The following CTNND1 variants were observed in gnomAD, a reference collection of about 807,000 sequenced individuals.
CTNND1 encodes the protein catenin delta 1.
CTNND1 carries 16 observed loss-of-function variants against 112.1 expected under a neutral mutation model. The observed-to-expected ratio is 0.14, with a 90% CI of 0.10 to 0.22. CTNND1 has a LOEUF of 0.22. CTNND1 is among the 10% of genes least tolerant of loss of function. CTNND1 has a pLI of 1.00. For missense variants in CTNND1, 1,008 were observed against 1,257.0 expected, an observed-to-expected ratio of 0.80 and a Z score of 3.00; for synonymous variants, 420 against 446.5, an observed-to-expected ratio of 0.94 and a Z score of 0.75.
intron 6 of CTNND1, among the ~76,000 whole-genome samples, chr11:57,800,454 G>C (rs2137075117): frequency 6.6e-6 from 1 of 152,136 alleles, no homozygotes; most frequent in South Asian, 2.1e-4. Context: ...TTTTAGTAGA[G>C]ATGGTGTTTT....
chr11:57,812,918 T>A (rs2063540434), intron 17 of CTNND1, among the ~76,000 whole-genome samples: 1 of 152,256 alleles, frequency 6.6e-6, no homozygotes, highest in South Asian at 2.1e-4. Flanking sequence ...ACGAATGCGA[T>A]AAGCTTGTTG....
intron 3 of CTNND1, among the ~76,000 whole-genome samples, chr11:57,793,447 TTTAA>T (rs1383910306): frequency 1.3e-5 from 2 of 152,200 alleles, no homozygotes; most frequent in Non-Finnish European, 2.9e-5. Context: ...TGCTTTTTTC[TTTAA>T]TTAAATTTCT....
At position 57,791,465 on chromosome 11, in the gene CTNND1, C is replaced by G. The variant is rs773666095; in HGVS notation, c.-14C>G. The G allele has an allele frequency of 1.4e-6, 2 of 1,465,716 alleles. No homozygotes were observed. Among genetic ancestry groups the G allele is most frequent in the Non-Finnish European group, 1.8e-6 (2 of 1,102,792 alleles). The allele number at this position is 1,465,716 out of a possible 1,614,324, so 90.8% of individuals were successfully genotyped here. ...TTTTTACCCTGCCCTGCGGCGGCTCCGCCCCTTACCTTCATGGACGACTCA... is the reference window on the plus strand; with the variant it reads ...TTTTTACCCTGCCCTGCGGCGGCTCGGCCCCTTACCTTCATGGACGACTCA... On this transcript the variant is annotated 5_prime_UTR_variant, in exon 3 of 21. Coordinates refer to ENST00000399050, the MANE Select transcript of CTNND1 (RefSeq NM_001085458.2).
At chr11:57,798,303 C>T (rs1171977081) in intron 6 of CTNND1, among the ~76,000 whole-genome samples, 13 of 148,494 alleles carry the variant, frequency 8.8e-5, no homozygotes, top group African/African-American at 3.3e-4. Flanking sequence ...GCCGAGATCC[C>T]GCCACTGCAC....
chr11:57,790,889 A>G (rs1417496539), intron 2 of CTNND1, among the ~76,000 whole-genome samples: 1 of 151,708 alleles, frequency 6.6e-6, no homozygotes, highest in African/African-American at 2.4e-5. Context: ...TTAGTTTAGC[A>G]TAGTAATTTT....
intron 17 of CTNND1, among the ~76,000 whole-genome samples, chr11:57,811,694 T>C (rs665058): frequency 0.4 from 60,238 of 152,096 alleles, 12,399 homozygotes; most frequent in Middle Eastern, 0.48. Flanking sequence ...TGAATGTGAT[T>C]CCTTTATCAT....
intron 3 of CTNND1, 78 bp from the exon 4 acceptor site, chr11:57,793,932 T>C (rs2061050296): frequency 6.9e-7 from 1 of 1,458,528 alleles, no homozygotes; most frequent in African/African-American, 1.4e-5. Context: ...TTTTCCTGTT[T>C]GAAAAAAAGA....
chr11:57,793,939 A>C, intron 3 of CTNND1, 71 bp from the exon 4 acceptor site: 1 of 1,505,742 alleles, frequency 6.6e-7, no homozygotes. Context: ...GTTTGAAAAA[A>C]AGATCGTTTG....
At chr11:57,806,866 C>G (rs764670640) in intron 11 of CTNND1, 49 bp from the exon 12 acceptor site, 19 of 1,473,446 alleles carry the variant, frequency 1.3e-5, no homozygotes, top group South Asian at 6.1e-5. Context: ...GGAATCTTTT[C>G]TTTTTTAAAC....
intron 5 of CTNND1, 141 bp from the exon 6 acceptor site, chr11:57,796,316 G>C: frequency 1.4e-6 from 1 of 732,760 alleles, no homozygotes; most frequent in Non-Finnish European, 2.2e-6. Context: ...AACCTGGGAG[G>C]CAGAGGTTGC....
intron 2 of CTNND1, among the ~76,000 whole-genome samples, chr11:57,790,389 T>G (rs1481993513): frequency 2.7e-5 from 4 of 150,146 alleles, no homozygotes; most frequent in African/African-American, 4.9e-5. Context: ...TTCTTTCTTT[T>G]TTTTTTTTTT....
intron 17 of CTNND1, among the ~76,000 whole-genome samples, chr11:57,812,468 C>T (rs978584836): frequency 3.3e-5 from 5 of 151,754 alleles, no homozygotes; most frequent in Non-Finnish European, 5.9e-5. Flanking sequence ...TGCAGTGAGC[C>T]GAGATTGCAC....
rs773394853 is a variant in CTNND1, at chr11:57,796,893, A to G, written c.857A>G (p.Gln286Arg). 32 of 1,605,680 alleles carry G rather than the reference A, an allele frequency of 2.0e-5. No individual in the cohort carries two copies. The highest frequency in any genetic ancestry group is 2.7e-5 in the Non-Finnish European group (32 of 1,174,480). Residue 286 changes from glutamine to arginine, a missense_variant, in exon 6 of 21, where the codon CAG becomes CGG. Physicochemically the swap from Gln to Arg is conservative, Grantham distance 43. Around this residue, in one of 5 missense-constraint regions of CTNND1, gnomAD observed 404 missense variants for 457.9 expected, o/e 0.88. Coordinates refer to ENST00000399050, the MANE Select transcript of CTNND1 (RefSeq NM_001085458.2). ...GAGCCTTATGGGCTAGAGGATGACC[A>G]GCGTAGTATGGGCTATGATGACCTG... ...HPEPYGLEDDQRSMGYDDLDY... is the reference protein window; with the variant it reads ...HPEPYGLEDDRRSMGYDDLDY...
At chr11:57,786,153 T>G (rs917935882) in intron 1 of CTNND1, among the ~76,000 whole-genome samples, 1 of 151,956 alleles carries the variant, frequency 6.6e-6, no homozygotes, top group African/African-American at 2.4e-5. Context: ...AGTTTCACTT[T>G]ATGTTTCCTC....
At chr11:57,804,871 T>C in intron 9 of CTNND1, 91 bp downstream of exon 9, 1 of 888,386 alleles carries the variant, frequency 1.1e-6, no homozygotes. Flanking sequence ...ATCTCAGGCT[T>C]TCAAGTAACA....
At position 57,794,094 on chromosome 11, in the gene CTNND1, C is replaced by T. The variant is rs751117746; in HGVS notation, c.267+13C>T. The T allele has an allele frequency of 1.5e-5, 24 of 1,612,304 alleles. No individual in the cohort carries two copies. The Admixed American group carries it at 3.5e-4, about 24-fold the overall frequency. ...CAACGGACCCCAGGTAATTCTTTGGCTCAAGACCTGGGTTGCTTCATTCAT... is the reference window on the plus strand; with the variant it reads ...CAACGGACCCCAGGTAATTCTTTGGTTCAAGACCTGGGTTGCTTCATTCAT... On this transcript the variant is annotated intron_variant, in intron 4 of 20. Transcript: ENST00000399050.
At chr11:57,810,064 C>T (rs1446802734) in intron 15 of CTNND1, 45 bp from the exon 16 acceptor site, 2 of 1,486,560 alleles carry the variant, frequency 1.3e-6, no homozygotes, top group Admixed American at 2.0e-5. Context: ...AGCTTTTTTC[C>T]TGATTTTATA....
chr11:57,767,413 A>G (rs753144536), intron 1 of CTNND1, among the ~76,000 whole-genome samples: 22 of 152,224 alleles, frequency 1.4e-4, no homozygotes, highest in Non-Finnish European at 3.2e-4. Context: ...GCTCTAGCAC[A>G]GTAACTGGTA....
At chr11:57,805,519 A>G (rs2062557675) in intron 9 of CTNND1, among the ~76,000 whole-genome samples, 1 of 150,782 alleles carries the variant, frequency 6.6e-6, no homozygotes, top group Non-Finnish European at 1.5e-5. Flanking sequence ...CTGGGATTAC[A>G]GGTGTGAGCC....
Sources: allele counts gnomAD v4.1 joint callset (sites outside exome capture counted in the v4.1 genomes callset), GRCh38; gene constraint gnomAD v4.1.1; regional missense constraint gnomAD v4.1.1; transcripts MANE v1.5; gene names NCBI Gene and HGNC (gene_info 2026-07-23, HGNC 2026-07-21).